GPC5: variants seen among roughly 807,000 people sequenced by gnomAD.
GPC5 encodes the protein glypican-5.
A neutral mutation model predicts 53.9 loss-of-function variants in GPC5; 47 were observed. That is an observed-to-expected ratio of 0.87 (90% CI 0.69 to 1.11). GPC5 has a LOEUF of 1.11. Ranked by LOEUF, GPC5 falls within the 50% of genes most tolerant of loss-of-function variation. The pLI is 0.00. For synonymous variants in GPC5, 286 were observed against 263.3 expected, an observed-to-expected ratio of 1.09 and a Z score of -0.84; for missense variants, 748 against 713.1, an observed-to-expected ratio of 1.05 and a Z score of -0.56.
intron 2 of GPC5, among the ~76,000 whole-genome samples, chr13:91,536,157 T>C (rs1208880813): frequency 6.6e-6 from 1 of 152,218 alleles, no homozygotes; most frequent in East Asian, 1.9e-4. Flanking sequence ...ATCAGTCTAA[T>C]GTTGGAGGAA....
chr13:92,282,031 C>T (rs1014201912), intron 7 of GPC5, among the ~76,000 whole-genome samples: 8 of 149,908 alleles, frequency 5.3e-5, no homozygotes, highest in East Asian at 1.9e-4. Flanking sequence ...ACCAGAATAA[C>T]GAGTGCAGAG....
At chr13:92,648,639 T>C (rs1885850640) in intron 7 of GPC5, among the ~76,000 whole-genome samples, 1 of 152,190 alleles carries the variant, frequency 6.6e-6, no homozygotes, top group Non-Finnish European at 1.5e-5. Flanking sequence ...TGTCTTGATT[T>C]GTTGTTTCAG....
intron 5 of GPC5, among the ~76,000 whole-genome samples, chr13:91,768,825 T>C (rs1427438306): frequency 6.6e-6 from 1 of 152,188 alleles, no homozygotes; most frequent in Non-Finnish European, 1.5e-5. Flanking sequence ...AATTGAGTCA[T>C]TGCCATTTAA....
Position 91,421,481 on chromosome 13 carries a change from C to T in GPC5, c.163+22272C>T, listed in dbSNP as rs575324432. 3.3e-5 allele frequency among the ~76,000 whole-genome samples: 5 copies of T among 151,928 alleles called. No homozygotes were observed. The East Asian group carries it at 7.7e-4, about 23-fold the overall frequency. ...CTAATATTTTAACTCTCTTTTTTTC[C>T]TTCCTCATCCTCCAAGTGATGATAA... On this transcript the variant is annotated intron_variant, in intron 1 of 7. Transcript: ENST00000377067.
At chr13:92,244,991 T>C (rs1008361441) in intron 7 of GPC5, among the ~76,000 whole-genome samples, 1 of 150,772 alleles carries the variant, frequency 6.6e-6, no homozygotes, top group Non-Finnish European at 1.5e-5. Context: ...TGTGCCAAGA[T>C]TGGGCCACTG....
At chr13:91,953,913 A>G (rs895789147) in intron 6 of GPC5, among the ~76,000 whole-genome samples, 8 of 152,200 alleles carry the variant, frequency 5.3e-5, no homozygotes, top group Non-Finnish European at 1.2e-4. Flanking sequence ...GGATTTTACA[A>G]TATGAGTTTT....
At chr13:91,429,490 G>C (rs1879281871) in intron 1 of GPC5, among the ~76,000 whole-genome samples, 1 of 152,152 alleles carries the variant, frequency 6.6e-6, no homozygotes, top group Admixed American at 6.5e-5. Context: ...GTAGAGATTG[G>C]TTAATTCTAA....
chr13:91,970,002 A>C (rs919135241), intron 6 of GPC5, among the ~76,000 whole-genome samples: 7 of 152,200 alleles, frequency 4.6e-5, no homozygotes, highest in Non-Finnish European at 1.5e-5. Context: ...AATAGTCAAG[A>C]TGAGGAATCA....
At chr13:91,415,497 C>A (rs1325941725) in intron 1 of GPC5, among the ~76,000 whole-genome samples, 1 of 152,128 alleles carries the variant, frequency 6.6e-6, no homozygotes, top group Non-Finnish European at 1.5e-5. Flanking sequence ...TTTCACTTCA[C>A]CTATTCCCCA....
At chr13:92,693,623 C>G (rs958323038) in intron 7 of GPC5, among the ~76,000 whole-genome samples, 2 of 152,040 alleles carry the variant, frequency 1.3e-5, no homozygotes, top group African/African-American at 4.8e-5. Context: ...AGTATTCAAG[C>G]GGTGACCTGG....
At chr13:91,894,459 A>G (rs772361814) in intron 5 of GPC5, among the ~76,000 whole-genome samples, 38 of 152,184 alleles carry the variant, frequency 2.5e-4, no homozygotes, top group Non-Finnish European at 4.9e-4. Flanking sequence ...CATGATGACC[A>G]TTGATCCAAC....
intron 3 of GPC5, among the ~76,000 whole-genome samples, chr13:91,718,784 C>T (rs1422131289): frequency 6.6e-6 from 1 of 152,130 alleles, no homozygotes; most frequent in Admixed American, 6.5e-5. Flanking sequence ...TCCCTGAAGA[C>T]CCTGGTTCCC....
chr13:92,678,294 G>A (rs1887011323), intron 7 of GPC5, among the ~76,000 whole-genome samples: 1 of 152,158 alleles, frequency 6.6e-6, no homozygotes, highest in Admixed American at 6.5e-5. Context: ...TATGTCAGGT[G>A]GTGGTAAGTG....
At chr13:91,437,016 C>CT (rs1360843178) in intron 1 of GPC5, among the ~76,000 whole-genome samples, 2 of 151,978 alleles carry the variant, frequency 1.3e-5, no homozygotes, top group Admixed American at 6.6e-5. Flanking sequence ...CAACCCCTGC[C>CT]TTTTTTTGTT....
intron 6 of GPC5, among the ~76,000 whole-genome samples, chr13:92,116,910 T>G (rs1250944102): frequency 1.3e-5 from 2 of 152,224 alleles, no homozygotes; most frequent in African/African-American, 4.8e-5. Context: ...CTTTATTAAG[T>G]TTTGGGAATA....
chr13:92,753,521 C>G (rs1874693967), intron 7 of GPC5, among the ~76,000 whole-genome samples: 1 of 152,104 alleles, frequency 6.6e-6, no homozygotes, highest in Non-Finnish European at 1.5e-5. Context: ...TTCAGACGAT[C>G]AAATTACTCT....
chr13:92,637,312 C>A (rs1358449708), intron 7 of GPC5, among the ~76,000 whole-genome samples: 1 of 152,142 alleles, frequency 6.6e-6, no homozygotes, highest in East Asian at 1.9e-4. Flanking sequence ...GATCAGAAAA[C>A]TATCCACAGA....
chr13:92,258,307 G>A (rs914009639), intron 7 of GPC5, among the ~76,000 whole-genome samples: 6 of 152,134 alleles, frequency 3.9e-5, no homozygotes, highest in Non-Finnish European at 5.9e-5. Flanking sequence ...TCTAACCTGT[G>A]CTGAAATGTA....
Position 91,399,186 on chromosome 13 carries a change from G to T in GPC5, c.140G>T (p.Gly47Val), listed in dbSNP as rs1179223257. The change falls in exon 1 of 8, where the codon GGG (glycine) becomes GTG (valine). Residue 47 changes from glycine (G) to valine (V), a missense_variant. Transcript: ENST00000377067. Reference sequence around the variant, plus strand: ...TGGCGGCTGCTGGGAGCTGTCAGGGGGCTGCCGGATTCGCCGCGGGCAGGT... The same window carrying T: ...TGGCGGCTGCTGGGAGCTGTCAGGGTGCTGCCGGATTCGCCGCGGGCAGGT... The part of the protein sequence containing the change: ...FQWRLLGAVR[G>V]LPDSPRAGPD... The T allele has an allele frequency of 6.2e-7, 1 of 1,612,528 alleles. No individual in the cohort carries two copies. The highest frequency in any genetic ancestry group is 1.3e-5 in the African/African-American group (1 of 74,928).
Sources: gnomAD v4.1 joint callset for allele counts (sites outside exome capture counted in the v4.1 genomes callset) on GRCh38, gnomAD v4.1.1 for gene constraint, MANE v1.5 for transcripts, NCBI Gene and HGNC (gene_info 2026-07-23, HGNC 2026-07-21) for gene names.